The following VWA5B1 variants were observed in gnomAD, a reference collection of about 807,000 sequenced individuals.
The protein encoded by VWA5B1 is von Willebrand factor A domain-containing protein 5B1.
In VWA5B1, 115 loss-of-function variants were observed where a neutral mutation model predicts 118.2. The observed-to-expected ratio is 0.97, with a 90% CI of 0.84 to 1.14. The LOEUF is 1.14. VWA5B1 is among the 50% of genes most tolerant of loss of function. The pLI is 0.00. For synonymous variants in VWA5B1, 682 were observed against 658.4 expected (o/e 1.04, Z -0.55); for missense variants, 1,596 against 1,603.8 (o/e 1.00, Z 0.08).
chr1:20,323,153 C>CT (rs1372793591), intron 7 of VWA5B1: 2 of 405,846 alleles, frequency 4.9e-6, no homozygotes, highest in Non-Finnish European at 8.5e-6. Flanking sequence ...AAACCCAAGT[C>CT]TTTCTGTCTG....
intron 14 of VWA5B1, 134 bp downstream of exon 14, chr1:20,337,970 C>T (rs755988381): frequency 8.6e-7 from 1 of 1,163,510 alleles, no homozygotes; most frequent in South Asian, 1.3e-5. Context: ...TCTTTCCTTC[C>T]CTAGGCCTTC....
chr1:20,336,743 AG>A (rs1481006531), intron 13 of VWA5B1, among the ~76,000 whole-genome samples: 4 of 152,174 alleles, frequency 2.6e-5, no homozygotes, highest in Non-Finnish European at 5.9e-5. Flanking sequence ...TTCCATTCAA[AG>A]GGTACTTATC....
In VWA5B1 at chr1:20,353,795, C is replaced by G; in HGVS notation, c.3180C>G (p.Asn1060Lys). 6.8e-7 allele frequency: 1 copy of G among 1,473,700 alleles called. No individual in the cohort carries two copies. Among genetic ancestry groups the G allele is most frequent in the Non-Finnish European group, 9.0e-7 (1 of 1,110,068 alleles). 91.3% of individuals were successfully genotyped at this position (1,473,700 alleles called of 1,614,324 possible). Residue 1060 changes from asparagine to lysine, a missense_variant, in exon 22 of 22, where the codon AAC (asparagine) becomes AAG (lysine). Transcript: ENST00000289815. ...TGGCCTCCGGAGCCTTCCTGCTCAACGAAGCCTTCTGTGAGGCCACGCACA... is the reference window on the plus strand; with the variant it reads ...TGGCCTCCGGAGCCTTCCTGCTCAAGGAAGCCTTCTGTGAGGCCACGCACA... ...LQLASGAFLL[N>K]EAFCEATHIP... is the part of the protein sequence containing the mutation.
intron 1 of VWA5B1, among the ~76,000 whole-genome samples, chr1:20,292,110 CCT>C (rs1198974789): frequency 2.7e-5 from 4 of 149,896 alleles, no homozygotes; most frequent in African/African-American, 9.8e-5. Context: ...TTTTTCTTTC[CCT>C]CTGTCTCTCT....
At chr1:20,353,373 A>G (rs1420074922) in intron 21 of VWA5B1, among the ~76,000 whole-genome samples, 2 of 152,104 alleles carry the variant, frequency 1.3e-5, no homozygotes, top group Non-Finnish European at 1.5e-5. Context: ...CAGGAATAAC[A>G]TGAGGAAGCA....
chr1:20,327,815 G>T, intron 8 of VWA5B1, 75 bp from the exon 9 acceptor site: 1 of 1,246,034 alleles, frequency 8.0e-7, no homozygotes. Flanking sequence ...TGCTGGGAAA[G>T]GGAATATTGG....
rs963282013 is a variant in VWA5B1, at chr1:20,342,326, G to A, written c.2134-106G>A. On this transcript the variant is annotated intron_variant, in intron 14 of 21. Transcript: ENST00000289815. ...GAGCTGGTGGGGTGGGGGTGGGGGA[G>A]CAGAAGGAAGGAGGGTCCAGCCACC... 1.9e-5 allele frequency: 23 copies of A among 1,226,854 alleles called. No individual in the cohort carries two copies. In the East Asian group the frequency reaches 5.7e-4, roughly 30 times the overall value. 76.0% of individuals were successfully genotyped at this position (1,226,854 alleles called of 1,614,324 possible). A position where few individuals can be genotyped will look rare whatever the true frequency, so the allele number is the denominator to read the frequency against.
intron 1 of VWA5B1, among the ~76,000 whole-genome samples, chr1:20,295,925 C>T (rs918605483): frequency 1.3e-5 from 2 of 152,124 alleles, no homozygotes; most frequent in African/African-American, 2.4e-5. Flanking sequence ...TGCAATGGTG[C>T]GATCTCAGCT....
chr1:20,352,066 A>T lies in VWA5B1; in HGVS notation c.3035A>T (p.Asn1012Ile). 1 of 1,551,136 alleles carries T rather than the reference A, an allele frequency of 6.4e-7. No homozygotes were observed. Among genetic ancestry groups the T allele is most frequent in the Non-Finnish European group, 8.7e-7 (1 of 1,146,818 alleles). Residue 1012 changes from asparagine (N) to isoleucine (I), a missense_variant, in exon 21 of 22, where the codon AAC becomes ATC. Coordinates refer to ENST00000289815, the MANE Select transcript of VWA5B1 (RefSeq NM_001039500.3). Reference protein sequence around the residue: ...ENLFGSWLNLNKSRLLTRAAK... With the variant: ...ENLFGSWLNLIKSRLLTRAAK... Reference sequence around the variant, plus strand: ...CTTCACCTGCACAGGCTAAATCTCAACAAGTCCAGGCTACTGACGCGAGCA... The same window carrying T: ...CTTCACCTGCACAGGCTAAATCTCATCAAGTCCAGGCTACTGACGCGAGCA...
rs533151043 is a variant in VWA5B1 at position 20,314,557 on chromosome 1, C to A, written c.528C>A (p.Thr176=). ...CCCCAACCGTGCCCCAGTTCTGCAC[C>A]AAGAGCACTGGCACCTCCAACCAAC... is the stretch of plus-strand genomic sequence containing the variant. ...VCAPTVPQFC[T]KSTGTSNQQA... Residue 176 remains threonine (T), a synonymous_variant, in exon 4 of 22, where the codon ACC becomes ACA. Transcript: ENST00000289815. 3.3e-5 allele frequency: 51 copies of A among 1,551,630 alleles called. No individual in the cohort carries two copies. In the African/African-American group the frequency reaches 6.8e-4, roughly 21 times the overall value.
In VWA5B1 at chr1:20,356,310, G is replaced by T. The variant is rs1468868024; in HGVS notation, c.*2047G>T. Among the ~76,000 whole-genome samples the T allele has an allele frequency of 6.6e-6, 1 of 152,158 alleles. No homozygotes were observed. The highest frequency in any genetic ancestry group is 2.4e-5 in the African/African-American group (1 of 41,440). On this transcript the variant is annotated 3_prime_UTR_variant, in exon 22 of 22. Coordinates refer to ENST00000289815, the MANE Select transcript of VWA5B1 (RefSeq NM_001039500.3). The stretch of plus-strand genomic sequence containing the variant: ...CTCCTCCTAGGTGCCCTGGAGCTGG[G>T]GCTTTCTCCTGCTCTGACAGTCCCA...
chr1:20,300,027 G>C (rs542846796), intron 1 of VWA5B1, among the ~76,000 whole-genome samples: 1 of 152,268 alleles, frequency 6.6e-6, no homozygotes, highest in African/African-American at 2.4e-5. Context: ...GGCAGCAGGG[G>C]GGCGCCATTA....
chr1:20,294,907 ATC>A (rs1194418188), intron 1 of VWA5B1, among the ~76,000 whole-genome samples: 1 of 152,200 alleles, frequency 6.6e-6, no homozygotes, highest in African/African-American at 2.4e-5. Context: ...GGTTTTACTA[ATC>A]TCTACTTTAC....
intron 1 of VWA5B1, among the ~76,000 whole-genome samples, chr1:20,301,966 G>A (rs188247927): frequency 7.2e-5 from 11 of 152,288 alleles, no homozygotes; most frequent in Non-Finnish European, 1.5e-4. Context: ...CTTCCTCGTT[G>A]ATCTAATCCG....
chr1:20,294,538 G>T (rs953859464), intron 1 of VWA5B1, among the ~76,000 whole-genome samples: 5 of 152,166 alleles, frequency 3.3e-5, no homozygotes, highest in Admixed American at 3.3e-4. Context: ...GGAGTGCAAT[G>T]GCATAATCTC....
chr1:20,348,868 AC>A, intron 18 of VWA5B1, among the ~76,000 whole-genome samples: 1 of 152,048 alleles, frequency 6.6e-6, no homozygotes, highest in Non-Finnish European at 1.5e-5. Flanking sequence ...CCTTTTTGTG[AC>A]CTTGCACTAG....
chr1:20,312,317 C>G (rs143849605), intron 2 of VWA5B1, among the ~76,000 whole-genome samples: 153 of 152,118 alleles, frequency 1.0e-3, no homozygotes, highest in Admixed American at 2.7e-3. Flanking sequence ...CCTATTTTTT[C>G]GATTCTCACT....
rs1439121203 is a variant in VWA5B1, at chr1:20,353,790, C to T, written c.3175C>T (p.Leu1059Phe). 2.4e-5 allele frequency: 36 copies of T among 1,469,770 alleles called. No homozygotes were observed. The highest frequency in any genetic ancestry group is 3.1e-5 in the Non-Finnish European group (34 of 1,108,356). 91.0% of individuals were successfully genotyped at this position (1,469,770 alleles called of 1,614,324 possible). ...SLQLASGAFL[L>F]NEAFCEATHI... ...GCAGCTGGCCTCCGGAGCCTTCCTG[C>T]TCAACGAAGCCTTCTGTGAGGCCAC... Residue 1059 changes from leucine to phenylalanine, a missense_variant, in exon 22 of 22, where the codon CTC (leucine) becomes TTC (phenylalanine). Transcript: ENST00000289815.
Position 20,323,348 on chromosome 1 carries a change from TCTTCC to T in VWA5B1, c.967-7_967-3del. 6.9e-7 allele frequency: 1 copy of T among 1,457,966 alleles called. No individual in the cohort carries two copies. Among genetic ancestry groups the T allele is most frequent in the Non-Finnish European group, 9.1e-7 (1 of 1,101,192 alleles). 90.3% of individuals were successfully genotyped at this position (1,457,966 alleles called of 1,614,324 possible). A position where few individuals can be genotyped will look rare whatever the true frequency, so the allele number is the denominator to read the frequency against. On this transcript the variant is annotated splice_region_variant and splice_polypyrimidine_tract_variant and intron_variant, in intron 7 of 21. Transcript: ENST00000289815. Reference sequence around the variant, plus strand: ...ATTGCCCAATCAGAGTGTTCTTTCCTCTTCCAGACAGAAATCATTCGAAAACGCCT... The same window carrying T: ...ATTGCCCAATCAGAGTGTTCTTTCCTAGACAGAAATCATTCGAAAACGCCT...
Sources: gnomAD v4.1 joint callset for allele counts (sites outside exome capture counted in the v4.1 genomes callset) on GRCh38, gnomAD v4.1.1 for gene constraint, MANE v1.5 for transcripts, NCBI Gene and HGNC (gene_info 2026-07-23, HGNC 2026-07-21) for gene names.